Variants in ELMO1 observed in about 807,000 individuals in gnomAD.
ELMO1 encodes the protein engulfment and cell motility protein 1.
ELMO1 carries 26 observed loss-of-function variants against 98.9 expected under a neutral mutation model. That is an observed-to-expected ratio of 0.26 (90% CI 0.19 to 0.36). ELMO1 has a LOEUF of 0.36. Among genes scored for constraint, ELMO1 ranks in the 10% least tolerant of loss-of-function variants. The probability of loss-of-function intolerance (pLI) is 1.00; values close to 1 mark genes in which losing one functional copy is unlikely to be tolerated. For missense variants in ELMO1, 627 were observed against 935.2 expected (o/e 0.67, Z 4.30); for synonymous variants, 346 against 346.0 (o/e 1.00, Z 0.00).
At chr7:37,122,437 G>A (rs535368950) in intron 14 of ELMO1, among the ~76,000 whole-genome samples, 1 of 152,250 alleles carries the variant, frequency 6.6e-6, no homozygotes, top group East Asian at 1.9e-4. Flanking sequence ...AAGGGATGGA[G>A]GAAGATCTAC....
intron 1 of ELMO1, among the ~76,000 whole-genome samples, chr7:37,359,370 T>C (rs1029648032): frequency 2.0e-5 from 3 of 152,328 alleles, no homozygotes; most frequent in Middle Eastern, 3.4e-3. Flanking sequence ...TTTGGGAAAA[T>C]TCCTCTCTGT....
intron 1 of ELMO1, among the ~76,000 whole-genome samples, chr7:37,361,792 C>G (rs886940820): frequency 6.7e-6 from 1 of 149,890 alleles, no homozygotes; most frequent in Non-Finnish European, 1.5e-5. Context: ...AACCCTGTTT[C>G]TATAAAAAAG....
At chr7:37,170,606 CCTTG>C (rs1790084159) in intron 13 of ELMO1, among the ~76,000 whole-genome samples, 4 of 149,880 alleles carry the variant, frequency 2.7e-5, no homozygotes, top group African/African-American at 4.9e-5. Flanking sequence ...CTTTCTCCTT[CCTTG>C]CTTGCTTTTT....
chr7:36,926,505 A>C (rs73115370), intron 16 of ELMO1, among the ~76,000 whole-genome samples: 1 of 151,736 alleles, frequency 6.6e-6, no homozygotes, highest in Non-Finnish European at 1.5e-5. Flanking sequence ...GACCCCCCCA[A>C]CTGAGGTTGG....
chr7:36,890,137 T>C (rs750864048), intron 17 of ELMO1, among the ~76,000 whole-genome samples: 4 of 152,308 alleles, frequency 2.6e-5, no homozygotes, highest in Non-Finnish European at 4.4e-5. Flanking sequence ...GCCAGGGTCA[T>C]GGGTTTACTA....
intron 1 of ELMO1, among the ~76,000 whole-genome samples, chr7:37,390,794 G>A (rs974608599): frequency 6.6e-6 from 1 of 152,174 alleles, no homozygotes; most frequent in Non-Finnish European, 1.5e-5. Context: ...CAGGTGTTGA[G>A]GGCCATGAGC....
At chr7:36,970,364 C>T (rs1789830971) in intron 16 of ELMO1, among the ~76,000 whole-genome samples, 1 of 152,186 alleles carries the variant, frequency 6.6e-6, no homozygotes, top group Non-Finnish European at 1.5e-5. Flanking sequence ...TATCCAGATG[C>T]AGCTGAGCAG....
At chr7:36,913,251 A>G (rs1309575825) in intron 16 of ELMO1, among the ~76,000 whole-genome samples, 1 of 152,210 alleles carries the variant, frequency 6.6e-6, no homozygotes, top group Admixed American at 6.5e-5. Context: ...AAATAACAGA[A>G]AACTTTAATA....
chr7:37,281,023 A>G (rs1797109422), intron 4 of ELMO1, among the ~76,000 whole-genome samples: 1 of 150,140 alleles, frequency 6.7e-6, no homozygotes, highest in African/African-American at 2.4e-5. Flanking sequence ...ATATATATAT[A>G]TACACACACA....
intron 16 of ELMO1, among the ~76,000 whole-genome samples, chr7:36,916,675 AG>A (rs1334908453): frequency 6.6e-6 from 1 of 152,224 alleles, no homozygotes; most frequent in Non-Finnish European, 1.5e-5. Context: ...TAAATTGAGG[AG>A]GGGGCCTGTG....
At chr7:37,171,345 A>C in intron 13 of ELMO1, among the ~76,000 whole-genome samples, 1 of 152,098 alleles carries the variant, frequency 6.6e-6, no homozygotes, top group East Asian at 1.9e-4. Flanking sequence ...TGTATCTACC[A>C]ATCAGTGGCG....
intron 1 of ELMO1, among the ~76,000 whole-genome samples, chr7:37,351,848 A>G (rs541537042): frequency 8.5e-5 from 13 of 152,318 alleles, no homozygotes; most frequent in Admixed American, 7.8e-4. Context: ...CCCCAATTCT[A>G]GAGCTTCATA....
chr7:37,018,075 G>C (rs1344979820), intron 15 of ELMO1, among the ~76,000 whole-genome samples: 16 of 151,960 alleles, frequency 1.1e-4, no homozygotes, highest in Non-Finnish European at 2.4e-4. Context: ...AAAGTGTGCA[G>C]TAAAGTGCCT....
At chr7:36,878,668 G>T (rs1218126573) in intron 18 of ELMO1, among the ~76,000 whole-genome samples, 1 of 152,176 alleles carries the variant, frequency 6.6e-6, no homozygotes, top group Non-Finnish European at 1.5e-5. Context: ...TGGGATTCAT[G>T]AGGAAATCAT....
At chr7:36,957,237 A>G (rs570569718) in intron 16 of ELMO1, among the ~76,000 whole-genome samples, 1 of 140,240 alleles carries the variant, frequency 7.1e-6, no homozygotes, top group Admixed American at 6.7e-5. Flanking sequence ...ATGAAGGAGT[A>G]TGGCTCCTGG....
At position 37,141,917 on chromosome 7, in the gene ELMO1, TGAGA is replaced by T. The variant is rs558262798; in HGVS notation, c.1087-8687_1087-8684del. ...AGCTAATAGGCAATATCTGAAACTA[TGAGA>T]GAGTAGTGCTGCCTACTGGCCACAG... is the stretch of plus-strand genomic sequence containing the variant. On this transcript the variant is annotated intron_variant, in intron 13 of 21. Transcript: ENST00000310758. 2.3e-3 allele frequency among the ~76,000 whole-genome samples: 344 copies of T among 152,356 alleles called. 1 individual carries two copies. The highest frequency in any genetic ancestry group is 7.8e-3 in the African/African-American group (324 of 41,588).
At chr7:37,343,390 C>G (rs1800820935) in intron 1 of ELMO1, among the ~76,000 whole-genome samples, 1 of 151,570 alleles carries the variant, frequency 6.6e-6, no homozygotes, top group Admixed American at 6.6e-5. Flanking sequence ...GAATGGCATT[C>G]AGAACAGACT....
At chr7:37,010,872 G>GA (rs200331115) in intron 16 of ELMO1, among the ~76,000 whole-genome samples, 2 of 151,914 alleles carry the variant, frequency 1.3e-5, no homozygotes, top group African/African-American at 4.8e-5. Flanking sequence ...CTGAAAAAAA[G>GA]AGAAAAAAAG....
intron 6 of ELMO1, among the ~76,000 whole-genome samples, chr7:37,247,897 G>GTA (rs1283595794): frequency 3.5e-5 from 5 of 144,604 alleles, no homozygotes; most frequent in Admixed American, 6.8e-5. Flanking sequence ...GAAATAAAAT[G>GTA]TGTGTGTGTG....
Sources: gnomAD v4.1 joint callset for allele counts (sites outside exome capture counted in the v4.1 genomes callset) on GRCh38, gnomAD v4.1.1 for gene constraint, MANE v1.5 for transcripts, NCBI Gene and HGNC (gene_info 2026-07-23, HGNC 2026-07-21) for gene names.